The following PCSK2 variants were observed in gnomAD, a reference collection of about 807,000 sequenced individuals.
PCSK2 encodes the protein proprotein convertase subtilisin/kexin type 2.
Under a neutral mutation model 69.7 loss-of-function variants are expected in PCSK2, and 14 were observed. That is an observed-to-expected ratio of 0.20 (90% CI 0.13 to 0.31). PCSK2 has a LOEUF of 0.31. PCSK2 is among the 10% of genes least tolerant of loss of function. The probability of loss-of-function intolerance (pLI) is 1.00; values close to 1 mark genes in which losing one functional copy is unlikely to be tolerated. For missense variants in PCSK2, 544 were observed against 842.5 expected, an observed-to-expected ratio of 0.65 and a Z score of 4.39; for synonymous variants, 307 against 320.7, an observed-to-expected ratio of 0.96 and a Z score of 0.46.
At chr20:17,278,638 T>A (rs1200156199) in intron 2 of PCSK2, among the ~76,000 whole-genome samples, 1 of 152,042 alleles carries the variant, frequency 6.6e-6, no homozygotes, top group East Asian at 1.9e-4. Context: ...AGTTAATGGG[T>A]GCAGCACACC....
intron 4 of PCSK2, among the ~76,000 whole-genome samples, chr20:17,362,060 G>A (rs1405261135): frequency 6.6e-6 from 1 of 152,198 alleles, no homozygotes; most frequent in African/African-American, 2.4e-5. Context: ...TGGCACTAAA[G>A]TGCCAACAGA....
At chr20:17,237,003 T>G (rs1458627090) in intron 1 of PCSK2, among the ~76,000 whole-genome samples, 1 of 152,272 alleles carries the variant, frequency 6.6e-6, no homozygotes, top group South Asian at 2.1e-4. Flanking sequence ...TTCTGGGCAG[T>G]ACTGCAGAGG....
intron 2 of PCSK2, among the ~76,000 whole-genome samples, chr20:17,299,946 T>A (rs1417314800): frequency 1.3e-5 from 2 of 152,236 alleles, no homozygotes; most frequent in African/African-American, 4.8e-5. Flanking sequence ...TGAACAAAGC[T>A]AGTCTTCTTA....
chr20:17,353,463 C>A (rs1424366377), intron 2 of PCSK2, among the ~76,000 whole-genome samples: 25 of 126,428 alleles, frequency 2.0e-4, no homozygotes, highest in Admixed American at 3.1e-4. Flanking sequence ...GACTCCATCA[C>A]ACAAAAAAAA....
intron 2 of PCSK2, among the ~76,000 whole-genome samples, chr20:17,311,901 C>T (rs1600479879): frequency 6.6e-6 from 1 of 152,170 alleles, no homozygotes. Context: ...TTAGACCCAG[C>T]TTGCTCTAAA....
At chr20:17,343,574 C>T (rs1990568200) in intron 2 of PCSK2, among the ~76,000 whole-genome samples, 1 of 152,232 alleles carries the variant, frequency 6.6e-6, no homozygotes, top group African/African-American at 2.4e-5. Context: ...AGCCCTAGAA[C>T]TTGTGAATAT....
In PCSK2 at chr20:17,402,429, G is replaced by A. The variant is rs1471402092; in HGVS notation, c.544-6834G>A. 3.9e-5 allele frequency among the ~76,000 whole-genome samples: 6 copies of A among 152,162 alleles called. No homozygotes were observed. The East Asian group carries it at 1.2e-3, about 29-fold the overall frequency. On this transcript the variant is annotated intron_variant, in intron 5 of 11. Transcript: ENST00000262545. ...GCCTGTAATCCCAGCACTTTGGGAGGCTGAGGCAGGCAGATCACTTGACGT... is the reference window on the plus strand; with the variant it reads ...GCCTGTAATCCCAGCACTTTGGGAGACTGAGGCAGGCAGATCACTTGACGT...
intron 2 of PCSK2, among the ~76,000 whole-genome samples, chr20:17,316,961 T>G (rs1444997467): frequency 6.6e-6 from 1 of 152,210 alleles, no homozygotes; most frequent in Non-Finnish European, 1.5e-5. Flanking sequence ...TAGTATTTTC[T>G]CTCTCAGAGA....
intron 7 of PCSK2, among the ~76,000 whole-genome samples, chr20:17,436,436 G>T (rs1008985172): frequency 6.6e-6 from 1 of 152,228 alleles, no homozygotes; most frequent in Non-Finnish European, 1.5e-5. Flanking sequence ...TTCAGCAAAG[G>T]TGGTCTCTCC....
chr20:17,351,662 A>G (rs201866324), intron 2 of PCSK2, among the ~76,000 whole-genome samples: 4 of 151,140 alleles, frequency 2.6e-5, no homozygotes, highest in Non-Finnish European at 5.9e-5. Context: ...CAAGAAAAAA[A>G]CCCTCAACAA....
chr20:17,291,841 T>C (rs1988704752), intron 2 of PCSK2, among the ~76,000 whole-genome samples: 1 of 152,146 alleles, frequency 6.6e-6, no homozygotes, highest in African/African-American at 2.4e-5. Context: ...CCTAGGCTCC[T>C]TTATTTTTTT....
chr20:17,334,182 G>A (rs1412839977), intron 2 of PCSK2, among the ~76,000 whole-genome samples: 2 of 151,918 alleles, frequency 1.3e-5, no homozygotes, highest in African/African-American at 4.8e-5. Context: ...TACTTTTCCA[G>A]AGAAGGTCTT....
chr20:17,303,256 T>C (rs1989149113), intron 2 of PCSK2, among the ~76,000 whole-genome samples: 2 of 140,190 alleles, frequency 1.4e-5, no homozygotes, highest in South Asian at 2.2e-4. Flanking sequence ...TTATATATAA[T>C]ATATATTAGT....
intron 5 of PCSK2, among the ~76,000 whole-genome samples, chr20:17,401,151 C>T (rs2031627533): frequency 6.6e-6 from 1 of 152,136 alleles, no homozygotes; most frequent in Non-Finnish European, 1.5e-5. Context: ...ACCTGTGTCC[C>T]CTCATTCTCA....
chr20:17,473,302 C>G (rs1240888026), intron 11 of PCSK2, among the ~76,000 whole-genome samples: 2 of 152,056 alleles, frequency 1.3e-5, no homozygotes, highest in Non-Finnish European at 2.9e-5. Context: ...CCATGTTGGT[C>G]AGGCTGGTCT....
At chr20:17,333,508 C>T (rs1160708375) in intron 2 of PCSK2, among the ~76,000 whole-genome samples, 3 of 152,118 alleles carry the variant, frequency 2.0e-5, no homozygotes, top group Non-Finnish European at 4.4e-5. Context: ...GGTCACCAGG[C>T]ATGGAGCAGC....
chr20:17,345,451 C>T (rs974079998), intron 2 of PCSK2, among the ~76,000 whole-genome samples: 1 of 152,150 alleles, frequency 6.6e-6, no homozygotes, highest in African/African-American at 2.4e-5. Flanking sequence ...GGCCAGAGAG[C>T]AAATATTTCA....
At chr20:17,367,388 G>A (rs771768609) in intron 4 of PCSK2, among the ~76,000 whole-genome samples, 10 of 152,126 alleles carry the variant, frequency 6.6e-5, no homozygotes, top group African/African-American at 1.7e-4. Context: ...CTTGAAAACC[G>A]CTTTGCAAAG....
At chr20:17,413,508 T>A (rs1336968410) in intron 6 of PCSK2, among the ~76,000 whole-genome samples, 1 of 152,152 alleles carries the variant, frequency 6.6e-6, no homozygotes, top group Non-Finnish European at 1.5e-5. Flanking sequence ...ATGCACCCAA[T>A]ACAGGAGCAC....
Sources: gnomAD v4.1 joint callset for allele counts (sites outside exome capture counted in the v4.1 genomes callset) on GRCh38, gnomAD v4.1.1 for gene constraint, MANE v1.5 for transcripts, NCBI Gene and HGNC (gene_info 2026-07-23, HGNC 2026-07-21) for gene names.